PHKA2: variants seen among roughly 807,000 people sequenced by gnomAD.
PHKA2 encodes phosphorylase kinase regulatory subunit alpha 2, also known as phosphorylase b kinase regulatory subunit alpha, liver isoform.
PHKA2 carries 31 observed loss-of-function variants against 102.0 expected under a neutral mutation model. That is an observed-to-expected ratio of 0.30 (90% CI 0.23 to 0.41). The LOEUF (loss-of-function observed/expected upper bound fraction) is 0.41, where lower values mean the gene tolerates loss of function less well. Among genes scored for constraint, PHKA2 ranks in the 10% least tolerant of loss-of-function variants. The probability of loss-of-function intolerance (pLI) is 1.00; values close to 1 mark genes in which losing one functional copy is unlikely to be tolerated. For synonymous variants in PHKA2, 455 were observed against 416.2 expected (o/e 1.09, Z -1.13); for missense variants, 858 against 1,023.1 (o/e 0.84, Z 2.20).
intron 1 of PHKA2, among the ~76,000 whole-genome samples, chrX:18,957,666 T>A (rs760416890): frequency 9.3e-6 from 1 of 107,840 alleles, no homozygotes; most frequent in Non-Finnish European, 1.9e-5. Flanking sequence ...CCTCCCCTCA[T>A]GTCAGCAATT....
Position 18,938,632 on chromosome X carries a change from C to T in PHKA2, c.1036G>A (p.Val346Ile), listed in dbSNP as rs1222114464. The T allele has an allele frequency of 8.3e-7, 1 of 1,204,615 alleles. No homozygotes were observed. The highest frequency in any genetic ancestry group is 1.1e-6 in the Non-Finnish European group (1 of 888,767). Reference sequence around the variant, plus strand: ...AACACCCAGCATTTTCTCACCTGAACAGCATCACCACTGAAGACTCCATCT... The same window carrying T: ...AACACCCAGCATTTTCTCACCTGAATAGCATCACCACTGAAGACTCCATCT... ...IIDGVFSGDA[V>I]QVQEYREALE... The change falls in exon 10 of 33, where the codon GTT (valine) becomes ATT (isoleucine). Residue 346 changes from valine (V) to isoleucine (I), a missense_variant. By Grantham distance (29) the Val-to-Ile change is conservative. Around this residue, in one of 2 missense-constraint regions of PHKA2, gnomAD observed 671 missense variants for 745.2 expected, o/e 0.90. Transcript: ENST00000379942.
intron 20 of PHKA2, among the ~76,000 whole-genome samples, chrX:18,910,571 T>C (rs747876986): frequency 3.1e-4 from 35 of 112,074 alleles, no homozygotes; most frequent in Middle Eastern, 4.6e-3. Flanking sequence ...CGGGGTTAGG[T>C]AGTGAGCTTT....
chrX:18,983,808 C>T, intron 1 of PHKA2, 47 bp downstream of exon 1: 1 of 1,037,890 alleles, frequency 9.6e-7, no homozygotes, highest in Non-Finnish European at 1.4e-6. Flanking sequence ...GAATGAGTTA[C>T]ATGAGAGGGT....
At chrX:18,931,019 C>T (rs969380184) in intron 12 of PHKA2, among the ~76,000 whole-genome samples, 1 of 111,784 alleles carries the variant, frequency 8.9e-6, no homozygotes, top group Non-Finnish European at 1.9e-5. Flanking sequence ...TAAGGTCACT[C>T]ATACTGAGGA....
intron 17 of PHKA2, 82 bp from the exon 18 acceptor site, chrX:18,920,283 A>G: frequency 1.8e-6 from 1 of 566,198 alleles, no homozygotes; most frequent in Non-Finnish European, 3.2e-6. Flanking sequence ...CTTTTGCACA[A>G]CCATGTGGTG....
At chrX:18,976,836 GC>G (rs771799398) in intron 1 of PHKA2, among the ~76,000 whole-genome samples, 49 of 111,270 alleles carry the variant, frequency 4.4e-4, no homozygotes, top group Middle Eastern at 4.6e-3. Flanking sequence ...CCAGAAGTCT[GC>G]CTATTTACTA....
chrX:18,911,562 G>A (rs2047926899), intron 19 of PHKA2, among the ~76,000 whole-genome samples: 1 of 112,038 alleles, frequency 8.9e-6, no homozygotes, highest in South Asian at 3.7e-4. Flanking sequence ...AGCCGTCTCA[G>A]CCTCCCAAAG....
intron 1 of PHKA2, among the ~76,000 whole-genome samples, chrX:18,973,158 A>C (rs2049038827): frequency 9.0e-6 from 1 of 110,770 alleles, no homozygotes; most frequent in Admixed American, 9.6e-5. Context: ...GCCCACCACC[A>C]CATCACATCC....
At chrX:18,926,420 C>T (rs763865186) in intron 14 of PHKA2, 33 bp downstream of exon 14, 3 of 1,156,894 alleles carry the variant, frequency 2.6e-6, no homozygotes, top group Non-Finnish European at 3.5e-6. Context: ...TGCCCCCATG[C>T]CAAAAAGGCC....
chrX:18,902,073 C>G (rs1266723621), intron 26 of PHKA2, among the ~76,000 whole-genome samples: 1 of 111,168 alleles, frequency 9.0e-6, no homozygotes, highest in Non-Finnish European at 1.9e-5. Context: ...AAACTCCTGA[C>G]CTTGTGATCC....
chrX:18,909,141 A>G (rs186426198), intron 20 of PHKA2, among the ~76,000 whole-genome samples: 174 of 112,450 alleles, frequency 1.5e-3, no homozygotes, highest in African/African-American at 5.3e-3. Context: ...AAGAGACTGG[A>G]CTGAATAGGT....
intron 19 of PHKA2, among the ~76,000 whole-genome samples, chrX:18,912,247 G>T (rs1322236421): frequency 8.9e-6 from 1 of 112,109 alleles, no homozygotes; most frequent in East Asian, 2.8e-4. Context: ...TTTAATGACA[G>T]GGATACATTC....
At chrX:18,944,458 A>G (rs758748853) in intron 6 of PHKA2, among the ~76,000 whole-genome samples, 7 of 112,190 alleles carry the variant, frequency 6.2e-5, no homozygotes, top group Non-Finnish European at 9.4e-5. Flanking sequence ...TCCAAAAAAT[A>G]CATTACATTC....
chrX:18,915,608 G>C (rs1458283300), intron 19 of PHKA2: 2 of 105,612 alleles, frequency 1.9e-5, no homozygotes, highest in Admixed American at 1.0e-4. Flanking sequence ...GAATTCTTGG[G>C]TTCAAGGAAT....
In PHKA2 at chrX:18,941,771, A is replaced by G. The variant is rs185353668; in HGVS notation, c.718-96T>C. The G allele has an allele frequency of 4.7e-6, 3 of 633,296 alleles. No individual in the cohort carries two copies. The East Asian group carries it at 1.0e-4, about 21-fold the overall frequency. The allele number at this position is 633,296 out of a possible 1,213,427, so 52.2% of individuals were successfully genotyped here. On this transcript the variant is annotated intron_variant, in intron 7 of 32. Coordinates refer to ENST00000379942, the MANE Select transcript of PHKA2 (RefSeq NM_000292.3). ...CTCGGCCCCAAGGGAACATTCGAAT[A>G]CGGTTGCCAATTTTGAGTAGAGCTT...
intron 1 of PHKA2, among the ~76,000 whole-genome samples, chrX:18,973,476 T>A (rs971775666): frequency 3.6e-5 from 4 of 112,065 alleles, no homozygotes; most frequent in Non-Finnish European, 7.5e-5. Flanking sequence ...CTGATCATGA[T>A]GTTTTTTATA....
chrX:18,958,061 T>C (rs373799502), intron 1 of PHKA2, among the ~76,000 whole-genome samples: 5 of 111,043 alleles, frequency 4.5e-5, no homozygotes, highest in African/African-American at 1.6e-4. Context: ...GGTTTCATCA[T>C]GTTGGTCAGG....
chrX:18,957,688 A>G (rs763687967), intron 1 of PHKA2, among the ~76,000 whole-genome samples: 5 of 106,269 alleles, frequency 4.7e-5, no homozygotes, highest in Non-Finnish European at 9.6e-5. Context: ...CACACACTCC[A>G]TATAACAGCC....
rs894037515 is a variant in PHKA2 at position 18,984,108 on chromosome X, G to A, written c.-176C>T. The A allele has an allele frequency of 2.3e-5, 11 of 470,141 alleles. No homozygotes were observed. The highest frequency in any genetic ancestry group is 5.7e-4 in the Middle Eastern group (1 of 1,749). 38.7% of individuals were successfully genotyped at this position (470,141 alleles called of 1,213,427 possible). On this transcript the variant is annotated 5_prime_UTR_variant, in exon 1 of 33. Coordinates refer to ENST00000379942, the MANE Select transcript of PHKA2 (RefSeq NM_000292.3). The stretch of plus-strand genomic sequence containing the variant: ...TAAACGCTAGCCCCAAAGTCCGGTT[G>A]GAAAGCAAGCCAACCAGAGCTCCGC...
Sources: allele counts gnomAD v4.1 joint callset (sites outside exome capture counted in the v4.1 genomes callset), GRCh38; gene constraint gnomAD v4.1.1; regional missense constraint gnomAD v4.1.1; transcripts MANE v1.5; gene names NCBI Gene and HGNC (gene_info 2026-07-23, HGNC 2026-07-21).